Variants in ELMO1 observed in about 807,000 individuals in gnomAD.
ELMO1 encodes the protein engulfment and cell motility 1.
In ELMO1, 26 loss-of-function variants were observed where a neutral mutation model predicts 98.9. The ratio of observed to expected loss-of-function variants is 0.26; its 90% CI spans 0.19 to 0.36. ELMO1 has a LOEUF of 0.36. ELMO1 is among the 10% of genes least tolerant of loss of function. ELMO1 has a pLI of 1.00. For synonymous variants in ELMO1, 346 were observed against 346.0 expected (o/e 1.00, Z 0.00); for missense variants, 627 against 935.2 (o/e 0.67, Z 4.30).
rs533428016 is a variant in ELMO1 at position 37,180,876 on chromosome 7, G to A, written c.1086+30510C>T. Among the ~76,000 whole-genome samples, 77 of 152,042 alleles carry A rather than the reference G, an allele frequency of 5.1e-4. 1 individual carries two copies. The highest frequency in any genetic ancestry group is 1.8e-3 in the African/African-American group (75 of 41,460). On this transcript the variant is annotated intron_variant, in intron 13 of 21. Transcript: ENST00000310758. ...AAGAGAGAAAGCAAACACCAGGGAG[G>A]AAATGAGGCAAAACATCAACAGTGA...
rs60344761 is a variant in ELMO1 at position 37,267,038 on chromosome 7, TACACACACACACACACACAC to T, written c.243+4774_243+4793del. On this transcript the variant is annotated intron_variant, in intron 5 of 21. Transcript: ENST00000310758. ...AAAAAAAAAAAAAAATATGTATATA[TACACACACACACACACACAC>T]ACACACACACACACACACACACACA... Among the ~76,000 whole-genome samples, 348 of 100,318 alleles carry T rather than the reference TACACACACACACACACACAC, an allele frequency of 3.5e-3. 9 individuals are homozygous for T. Among genetic ancestry groups the T allele is most frequent in the East Asian group, 0.023 (89 of 3,902 alleles). The allele number at this position is 100,318 out of a possible 152,430, so 65.8% of individuals were successfully genotyped here.
chr7:37,440,494 G>C (rs958270426), intron 1 of ELMO1, among the ~76,000 whole-genome samples: 70 of 151,750 alleles, frequency 4.6e-4, no homozygotes, highest in African/African-American at 1.6e-3. Context: ...AAAGAGGCTG[G>C]GTGTGGTGGC....
chr7:37,217,121 A>C (rs954068781), intron 10 of ELMO1, among the ~76,000 whole-genome samples: 1 of 152,212 alleles, frequency 6.6e-6, no homozygotes, highest in African/African-American at 2.4e-5. Context: ...ATTTCATCTT[A>C]ATCTGTGCAA....
At chr7:37,193,726 T>C (rs148531279) in intron 13 of ELMO1, among the ~76,000 whole-genome samples, 93 of 152,300 alleles carry the variant, frequency 6.1e-4, no homozygotes, top group Non-Finnish European at 1.0e-3. Flanking sequence ...GTTTCCCAGC[T>C]CTTACAAACA....
At chr7:37,060,650 A>C (rs928627526) in intron 15 of ELMO1, among the ~76,000 whole-genome samples, 5 of 138,420 alleles carry the variant, frequency 3.6e-5, no homozygotes, top group Non-Finnish European at 7.6e-5. Flanking sequence ...TAAAAGTCCA[A>C]AAATAAATAA....
intron 16 of ELMO1, among the ~76,000 whole-genome samples, chr7:37,006,206 T>C (rs1793112714): frequency 6.6e-6 from 1 of 152,162 alleles, no homozygotes; most frequent in Non-Finnish European, 1.5e-5. Context: ...ACAATCTGTA[T>C]TTATGGATAT....
At chr7:37,424,338 A>G (rs1038971493) in intron 1 of ELMO1, among the ~76,000 whole-genome samples, 8 of 152,218 alleles carry the variant, frequency 5.3e-5, no homozygotes, top group Non-Finnish European at 1.2e-4. Flanking sequence ...AGAAACAAAT[A>G]ATGCAAAGAA....
intron 20 of ELMO1, among the ~76,000 whole-genome samples, chr7:36,863,087 T>C (rs1458943659): frequency 2.6e-5 from 4 of 152,170 alleles, no homozygotes; most frequent in Admixed American, 6.5e-5. Context: ...CTGTCCCTCA[T>C]TGAGAGGGGG....
chr7:37,416,264 A>G (rs1804208766), intron 1 of ELMO1, among the ~76,000 whole-genome samples: 1 of 152,264 alleles, frequency 6.6e-6, no homozygotes, highest in South Asian at 2.1e-4. Context: ...AAGACGAAGC[A>G]GGGAAGAAAA....
At chr7:36,883,200 G>A (rs954472246) in intron 18 of ELMO1, among the ~76,000 whole-genome samples, 2 of 152,162 alleles carry the variant, frequency 1.3e-5, no homozygotes, top group Admixed American at 6.5e-5. Flanking sequence ...AGCACTTAGG[G>A]AATGCTGGTC....
At chr7:37,052,786 G>A (rs1360631519) in intron 15 of ELMO1, among the ~76,000 whole-genome samples, 1 of 152,216 alleles carries the variant, frequency 6.6e-6, no homozygotes, top group Non-Finnish European at 1.5e-5. Flanking sequence ...CTGAATTGCT[G>A]CAGGGTAGGG....
In ELMO1 at chr7:37,147,339, C is replaced by G. The variant is rs530713253; in HGVS notation, c.1087-14105G>C. Among the ~76,000 whole-genome samples the G allele has an allele frequency of 9.2e-5, 14 of 152,226 alleles. 2 individuals carry two copies. Among genetic ancestry groups the G allele is most frequent in the African/African-American group, 3.4e-4 (14 of 41,502 alleles). ...ACATCCTCTTCTCTTTGCCTGGCCT[C>G]CTTAACACTTCCGCTCATCTCTCTC... On this transcript the variant is annotated intron_variant, in intron 13 of 21. Transcript: ENST00000310758.
chr7:36,930,163 C>G (rs1785921416), intron 16 of ELMO1, among the ~76,000 whole-genome samples: 1 of 152,174 alleles, frequency 6.6e-6, no homozygotes, highest in African/African-American at 2.4e-5. Context: ...TCTCCCCAGC[C>G]CATGGGCAAG....
chr7:37,298,458 C>CT (rs2131006884), intron 4 of ELMO1, among the ~76,000 whole-genome samples: 1 of 135,880 alleles, frequency 7.4e-6, no homozygotes, highest in African/African-American at 3.3e-5. Flanking sequence ...CCTCCCTCCC[C>CT]CGACCCCACC....
intron 13 of ELMO1, among the ~76,000 whole-genome samples, chr7:37,152,588 T>C (rs967445454): frequency 6.6e-6 from 1 of 152,214 alleles, no homozygotes; most frequent in Admixed American, 6.5e-5. Flanking sequence ...TGTACGTGCA[T>C]GTGCACATGT....
At chr7:37,338,153 T>C (rs1800523160) in intron 2 of ELMO1, among the ~76,000 whole-genome samples, 1 of 152,166 alleles carries the variant, frequency 6.6e-6, no homozygotes, top group Admixed American at 6.5e-5. Context: ...CTATGCAACA[T>C]GCTACACTCT....
At chr7:37,297,402 A>G (rs2130998458) in intron 4 of ELMO1, among the ~76,000 whole-genome samples, 1 of 152,316 alleles carries the variant, frequency 6.6e-6, no homozygotes, top group East Asian at 1.9e-4. Context: ...CCAAATGTCT[A>G]AGACTACTGT....
At chr7:37,281,358 C>T (rs898306844) in intron 4 of ELMO1, among the ~76,000 whole-genome samples, 1 of 152,062 alleles carries the variant, frequency 6.6e-6, no homozygotes, top group African/African-American at 2.4e-5. Flanking sequence ...CCAAATACCA[C>T]CTGTTACCCC....
Position 37,086,765 on chromosome 7 carries a change from A to AAAAAAG in ELMO1, c.1300+9853_1300+9854insCTTTTT, listed in dbSNP as rs1491293564. 8.3e-4 allele frequency among the ~76,000 whole-genome samples: 118 copies of AAAAAAG among 142,576 alleles called. 3 individuals are homozygous for AAAAAAG. The highest frequency in any genetic ancestry group is 2.9e-3 in the African/African-American group (109 of 37,570). 93.5% of individuals were successfully genotyped at this position (142,576 alleles called of 152,430 possible). On this transcript the variant is annotated intron_variant, in intron 15 of 21. Transcript: ENST00000310758. ...CTCCAAAAAAAAAAAAAAAAAAAAAAGAAATCTTTGAACTTTCTTGCCAAA... is the reference window on the plus strand; with the variant it reads ...CTCCAAAAAAAAAAAAAAAAAAAAAAAAAAAGGAAATCTTTGAACTTTCTTGCCAAA...
Sources: allele counts gnomAD v4.1 joint callset (sites outside exome capture counted in the v4.1 genomes callset), GRCh38; gene constraint gnomAD v4.1.1; transcripts MANE v1.5; gene names NCBI Gene and HGNC (gene_info 2026-07-23, HGNC 2026-07-21).